The following KCNQ1 variants were observed in gnomAD, a reference collection of about 807,000 sequenced individuals.
KCNQ1 encodes potassium voltage-gated channel subfamily KQT member 1.
KCNQ1 carries 49 observed loss-of-function variants against 72.4 expected under a neutral mutation model. The observed-to-expected ratio is 0.68, with a 90% confidence interval of 0.54 to 0.86. The LOEUF is 0.86. Ranked by LOEUF, KCNQ1 falls within the 40% of genes least tolerant of loss-of-function variation. KCNQ1 has a pLI of 0.00. For synonymous variants in KCNQ1, 450 were observed against 412.6 expected (o/e 1.09, Z -1.10); for missense variants, 790 against 945.1 (o/e 0.84, Z 2.15).
Position 2,698,730 on chromosome 11 carries a change from C to G in KCNQ1, c.1514+36649C>G. Reference sequence around the variant, plus strand: ...CCCTGACTCCAGTCGCCAACTCGGACCTCCCTTGGATCTCAACTCAGAGCC... The same window carrying G: ...CCCTGACTCCAGTCGCCAACTCGGAGCTCCCTTGGATCTCAACTCAGAGCC... On this transcript the variant is annotated intron_variant, in intron 11 of 15. Transcript: ENST00000155840. The surrounding 1 kb of genome is among the most constrained non-coding windows in gnomAD (Gnocchi z 5.1). 2.5e-6 allele frequency: 1 copy of G among 398,936 alleles called. No individual in the cohort carries two copies. Among genetic ancestry groups the G allele is most frequent in the Non-Finnish European group, 4.4e-6 (1 of 226,192 alleles). 24.7% of individuals were successfully genotyped at this position (398,936 alleles called of 1,614,324 possible).
intron 15 of KCNQ1, among the ~76,000 whole-genome samples, chr11:2,840,875 G>A (rs531486711): frequency 6.6e-6 from 1 of 152,238 alleles, no homozygotes; most frequent in Admixed American, 6.5e-5. Context: ...TCCAGCCTTG[G>A]GGCCCCGGGA....
chr11:2,706,933 G>A (rs562336853), intron 11 of KCNQ1, among the ~76,000 whole-genome samples: 15 of 152,324 alleles, frequency 9.8e-5, no homozygotes, highest in South Asian at 4.1e-4. Flanking sequence ...GAGAGGGTGC[G>A]TGATGGGTGG....
At chr11:2,728,710 C>A (rs1290885608) in intron 11 of KCNQ1, among the ~76,000 whole-genome samples, 1 of 152,254 alleles carries the variant, frequency 6.6e-6, no homozygotes, top group South Asian at 2.1e-4. Context: ...GCCAGGGGGA[C>A]AGGAAGTCCC....
At chr11:2,721,803 G>A (rs1233829059) in intron 11 of KCNQ1, among the ~76,000 whole-genome samples, 6 of 152,172 alleles carry the variant, frequency 3.9e-5, no homozygotes, top group South Asian at 4.1e-4. Flanking sequence ...CCGAGCCTCC[G>A]AGGAGGTTCA....
At chr11:2,589,990 G>A (rs1034692686) in intron 10 of KCNQ1, among the ~76,000 whole-genome samples, 1 of 152,222 alleles carries the variant, frequency 6.6e-6, no homozygotes, top group South Asian at 2.1e-4. Context: ...AGTTAGGAGA[G>A]GTGGAAGGGA....
Position 2,608,690 on chromosome 11 carries a change from C to T in KCNQ1, c.1393+19836C>T. The T allele has an allele frequency of 5.2e-6, 2 of 381,054 alleles. No homozygotes were observed. Among genetic ancestry groups the T allele is most frequent in the Non-Finnish European group, 8.9e-6 (2 of 225,694 alleles). 23.6% of individuals were successfully genotyped at this position (381,054 alleles called of 1,614,324 possible). A position where few individuals can be genotyped will look rare whatever the true frequency, so the allele number is the denominator to read the frequency against. On this transcript the variant is annotated intron_variant, in intron 10 of 15. Coordinates refer to ENST00000155840, the MANE Select transcript of KCNQ1 (RefSeq NM_000218.3). The surrounding 1 kb of genome is among the most constrained non-coding windows in gnomAD (Gnocchi z 4.6). ...TGTTGTGCATGCTATTCTTGAACTC[C>T]TGGCCACAAGCAATTCTCGAACTCC... is the stretch of plus-strand genomic sequence containing the variant.
chr11:2,542,342 G>T (rs1380063971), intron 2 of KCNQ1, among the ~76,000 whole-genome samples: 1 of 152,256 alleles, frequency 6.6e-6, no homozygotes, highest in Non-Finnish European at 1.5e-5. Flanking sequence ...GGAAGCCGGT[G>T]TAAGGGGCCC....
At position 2,678,340 on chromosome 11, in the gene KCNQ1, T is replaced by C; in HGVS notation, c.1514+16259T>C. The C allele has an allele frequency of 2.5e-6, 1 of 398,600 alleles. No homozygotes were observed. Among genetic ancestry groups the C allele is most frequent in the South Asian group, 1.3e-4 (1 of 7,866 alleles). 24.7% of individuals were successfully genotyped at this position (398,600 alleles called of 1,614,324 possible). ...TATTTCATTTTTTACATTTAAATCC[T>C]TGCTTTATCGGGATTTTGACAGAGT... On this transcript the variant is annotated intron_variant, in intron 11 of 15. Transcript: ENST00000155840. The surrounding 1 kb of genome is among the most constrained non-coding windows in gnomAD (Gnocchi z 4.9).
Position 2,601,245 on chromosome 11 carries a change from G to A in KCNQ1, c.1393+12391G>A, listed in dbSNP as rs7944932. On this transcript the variant is annotated intron_variant, in intron 10 of 15. Transcript: ENST00000155840. The surrounding 1 kb of genome is among the most constrained non-coding windows in gnomAD (Gnocchi z 5.2). ...CAGTTGGAATGGTTACCTCATTGTG[G>A]TTTTGATTTGCATTTTCCTAATGAT... 0.051 allele frequency among the ~76,000 whole-genome samples: 7,709 copies of A among 152,184 alleles called. 655 individuals are homozygous for A. Among genetic ancestry groups the A allele is most frequent in the African/African-American group, 0.18 (7,271 of 41,478 alleles).
At chr11:2,747,308 A>G (rs998790438) in intron 11 of KCNQ1, among the ~76,000 whole-genome samples, 2 of 152,202 alleles carry the variant, frequency 1.3e-5, no homozygotes, top group Non-Finnish European at 2.9e-5. Context: ...AATGGGACTT[A>G]TTTTGCTTCG....
At chr11:2,501,178 G>A (rs1847004180) in intron 1 of KCNQ1, among the ~76,000 whole-genome samples, 1 of 151,310 alleles carries the variant, frequency 6.6e-6, no homozygotes, top group Admixed American at 6.6e-5. Flanking sequence ...AAATAATAAA[G>A]CTTAGAGCAG....
intron 2 of KCNQ1, among the ~76,000 whole-genome samples, chr11:2,556,120 C>T (rs1277850420): frequency 3.3e-5 from 5 of 152,160 alleles, no homozygotes; most frequent in East Asian, 1.9e-4. Context: ...GAAGGGTTCC[C>T]GGTCGACGCA....
rs759955554 is a variant in KCNQ1, at chr11:2,588,718, G to T, written c.1257G>T (p.Lys419Asn). 2 of 1,613,290 alleles carry T rather than the reference G, an allele frequency of 1.2e-6. No homozygotes were observed. Among genetic ancestry groups the T allele is most frequent in the Non-Finnish European group, 1.7e-6 (2 of 1,179,844 alleles). The change falls in exon 10 of 16, where the codon AAG becomes AAT. Residue 419 changes from lysine (K) to asparagine (N), a missense_variant. Physicochemically the swap from Lys to Asn is moderately conservative, Grantham distance 94. Around this residue, in one of 5 missense-constraint regions of KCNQ1, gnomAD observed 178 missense variants for 177.9 expected, o/e 1.00. Coordinates refer to ENST00000155840, the MANE Select transcript of KCNQ1 (RefSeq NM_000218.3). The surrounding 1 kb of genome is among the most constrained non-coding windows in gnomAD (Gnocchi z 5.6). ...SPKPKKSVVV[K>N]KKKFKLDKDN... ...TGTTGTCTTGTTTTTTTTAGGTAAA[G>T]AAAAAAAAGTTCAAGCTGGACAAAG...
At chr11:2,587,748 C>T (rs934334163) in intron 9 of KCNQ1, 56 bp downstream of exon 9, 32 of 1,611,074 alleles carry the variant, frequency 2.0e-5, no homozygotes, top group South Asian at 3.3e-5. Flanking sequence ...GTGGGGAGGC[C>T]GTGGGGGCCG....
intron 1 of KCNQ1, among the ~76,000 whole-genome samples, chr11:2,514,700 C>T (rs1354047905): frequency 1.3e-5 from 2 of 152,246 alleles, no homozygotes; most frequent in Non-Finnish European, 2.9e-5. Flanking sequence ...GTGGCGGGCG[C>T]CTGTAGTCCC....
At chr11:2,489,654 A>G (rs1846802549) in intron 1 of KCNQ1, among the ~76,000 whole-genome samples, 1 of 152,210 alleles carries the variant, frequency 6.6e-6, no homozygotes, top group Non-Finnish European at 1.5e-5. Context: ...AGCAGTAAAG[A>G]GAACATTGTC....
chr11:2,519,582 T>C (rs986515089), intron 1 of KCNQ1, among the ~76,000 whole-genome samples: 2 of 152,066 alleles, frequency 1.3e-5, no homozygotes, highest in Middle Eastern at 3.2e-3. Context: ...ATCATACCAC[T>C]GTCCTCCAGC....
At position 2,550,037 on chromosome 11, in the gene KCNQ1, C is replaced by A. The variant is rs994517364; in HGVS notation, c.478-20591C>A. Among the ~76,000 whole-genome samples the A allele has an allele frequency of 2.0e-5, 3 of 152,188 alleles. No homozygotes were observed. In the East Asian group the frequency reaches 5.8e-4, roughly 29 times the overall value. On this transcript the variant is annotated intron_variant, in intron 2 of 15. Transcript: ENST00000155840. This position sits in a 1 kb window ranked among gnomAD's most constrained non-coding sequence, Gnocchi z 6.0. The stretch of plus-strand genomic sequence containing the variant: ...TGTTTGGGCCTCGAGAGGGACGGAC[C>A]CCAGAACTGGACCCCAATGTGCAGG...
rs1157657170 is a variant in KCNQ1, at chr11:2,462,959, G to T, written c.386+17475G>T. On this transcript the variant is annotated intron_variant, in intron 1 of 15. Coordinates refer to ENST00000155840, the MANE Select transcript of KCNQ1 (RefSeq NM_000218.3). The surrounding 1 kb of genome is among the most constrained non-coding windows in gnomAD (Gnocchi z 8.2). ...GGAGGGTCTTGGGGGAAGGCTGTGG[G>T]CCCTTGGGTGGAAGAGTCTTGGGTG... is the stretch of plus-strand genomic sequence containing the variant. Among the ~76,000 whole-genome samples the T allele has an allele frequency of 6.6e-6, 1 of 152,172 alleles. No homozygotes were observed. The highest frequency in any genetic ancestry group is 1.5e-5 in the Non-Finnish European group (1 of 68,032).
Sources: gnomAD v4.1 joint callset for allele counts (sites outside exome capture counted in the v4.1 genomes callset) on GRCh38, gnomAD v4.1.1 for gene constraint, gnomAD v4.1.1 regional missense constraint, Gnocchi (gnomAD v3.1) non-coding constraint, MANE v1.5 for transcripts, NCBI Gene and HGNC (gene_info 2026-07-23, HGNC 2026-07-21) for gene names.